Variants in ABCG8 observed in about 807,000 individuals in gnomAD.
ABCG8 encodes ATP-binding cassette sub-family G member 8.
ABCG8 carries 81 observed loss-of-function variants against 71.3 expected under a neutral mutation model. The observed-to-expected ratio is 1.14, with a 90% CI of 0.95 to 1.37. The LOEUF is 1.37. Among genes scored for constraint, ABCG8 ranks in the 40% most tolerant of loss-of-function variants. ABCG8 has a pLI of 0.00. For synonymous variants in ABCG8, 451 were observed against 354.7 expected (o/e 1.27, Z -3.05); for missense variants, 1,119 against 866.2 (o/e 1.29, Z -3.66).
intron 6 of ABCG8, among the ~76,000 whole-genome samples, chr2:43,855,246 C>A (rs1015144318): frequency 1.3e-5 from 2 of 152,130 alleles, no homozygotes; most frequent in Non-Finnish European, 2.9e-5. Context: ...AGATAGAACT[C>A]TCACTATCTG....
At chr2:43,862,343 G>T (rs1374542076) in intron 6 of ABCG8, among the ~76,000 whole-genome samples, 2 of 148,602 alleles carry the variant, frequency 1.3e-5, no homozygotes, top group Admixed American at 6.7e-5. Context: ...TCACAATCTG[G>T]ATAGAAGTCT....
At chr2:43,867,491 C>A (rs1669571770) in intron 6 of ABCG8, among the ~76,000 whole-genome samples, 1 of 152,042 alleles carries the variant, frequency 6.6e-6, no homozygotes, top group African/African-American at 2.4e-5. Flanking sequence ...AGAATTCTCA[C>A]CCTCTGGATA....
chr2:43,867,563 A>G (rs1669574709), intron 6 of ABCG8, among the ~76,000 whole-genome samples: 1 of 152,020 alleles, frequency 6.6e-6, no homozygotes, highest in Middle Eastern at 3.2e-3. Flanking sequence ...ATCTGTCCAG[A>G]TAGAATTCTC....
Position 43,852,439 on chromosome 2 carries a change from G to T in ABCG8, c.647G>T (p.Gly216Val), listed in dbSNP as rs775262569. 3 of 1,612,844 alleles carry T rather than the reference G, an allele frequency of 1.9e-6. No homozygotes were observed. Among genetic ancestry groups the T allele is most frequent in the Non-Finnish European group, 2.5e-6 (3 of 1,180,012 alleles). ...ATGTACGTGCGGGGGTTGTCGGGGG[G>T]TGAGCGCAGGAGAGTCAGCATTGGG... is the stretch of plus-strand genomic sequence containing the variant. ...GNMYVRGLSGGERRRVSIGVQ... is the reference protein window; with the variant it reads ...GNMYVRGLSGVERRRVSIGVQ... Residue 216 changes from glycine (G) to valine (V), a missense_variant, in exon 5 of 13, where the codon GGT becomes GTT. By Grantham distance (109) the Gly-to-Val change is moderately radical. Transcript: ENST00000272286.
chr2:43,838,971 A>G lies in ABCG8; in HGVS notation c.-83A>G. The G allele has an allele frequency of 1.4e-6, 2 of 1,443,702 alleles. No individual in the cohort carries two copies. The highest frequency in any genetic ancestry group is 1.9e-6 in the Non-Finnish European group (2 of 1,052,398). The allele number at this position is 1,443,702 out of a possible 1,614,324, so 89.4% of individuals were successfully genotyped here. On this transcript the variant is annotated 5_prime_UTR_variant, in exon 1 of 13. Coordinates refer to ENST00000272286, the MANE Select transcript of ABCG8 (RefSeq NM_022437.3). The surrounding 1 kb of genome is among the most constrained non-coding windows in gnomAD (Gnocchi z 4.2). Reference sequence around the variant, plus strand: ...GAGGCCGAGGTGTCCCTGCTCCAGGAAACAGAGTGAAGACACTGGCCCTGG... The same window carrying G: ...GAGGCCGAGGTGTCCCTGCTCCAGGGAACAGAGTGAAGACACTGGCCCTGG...
chr2:43,873,380 T>C, intron 8 of ABCG8, among the ~76,000 whole-genome samples: 1 of 151,926 alleles, frequency 6.6e-6, no homozygotes, highest in Non-Finnish European at 1.5e-5. Flanking sequence ...TTAGTAGAGA[T>C]GGAGTTTCTC....
At chr2:43,857,461 A>G (rs9753033) in intron 6 of ABCG8, among the ~76,000 whole-genome samples, 1 of 151,420 alleles carries the variant, frequency 6.6e-6, no homozygotes, top group Non-Finnish European at 1.5e-5. Context: ...CTCACTCTAT[A>G]TAGAACTCTC....
At chr2:43,859,654 C>T (rs976282980) in intron 6 of ABCG8, among the ~76,000 whole-genome samples, 2 of 146,058 alleles carry the variant, frequency 1.4e-5, no homozygotes, top group African/African-American at 5.1e-5. Flanking sequence ...TCTCACCATC[C>T]AGATAGAACT....
At position 43,844,500 on chromosome 2, in the gene ABCG8, C is replaced by T. The variant is rs4148210; in HGVS notation, c.64-7C>T. ...AAGGAGCCCCTCATCTCTCCTGTCT[C>T]CCACAGGGCCTCCAGGATAGATTGT... is the stretch of plus-strand genomic sequence containing the variant. On this transcript the variant is annotated splice_polypyrimidine_tract_variant and splice_region_variant and intron_variant, in intron 1 of 12. Transcript: ENST00000272286. The T allele has an allele frequency of 0.41, 668,170 of 1,610,706 alleles. 144,720 individuals are homozygous for T. The highest frequency in any genetic ancestry group is 0.85 in the East Asian group (38,174 of 44,858).
chr2:43,867,875 A>G (rs187147047), intron 6 of ABCG8, among the ~76,000 whole-genome samples: 2 of 152,150 alleles, frequency 1.3e-5, no homozygotes, highest in East Asian at 3.9e-4. Context: ...CACCCTCTGG[A>G]TAGAACTCTC....
rs546523852 is a variant in ABCG8 at position 43,869,537 on chromosome 2, A to G, written c.965-2439A>G. On this transcript the variant is annotated intron_variant, in intron 6 of 12. Coordinates refer to ENST00000272286, the MANE Select transcript of ABCG8 (RefSeq NM_022437.3). The stretch of plus-strand genomic sequence containing the variant: ...TCACCATCTGGATAAAACTCTCACT[A>G]TCTGTCTGGATAGAATTCTCACCAT... Among the ~76,000 whole-genome samples, 15 of 151,810 alleles carry G rather than the reference A, an allele frequency of 9.9e-5. 1 individual carries two copies. Among genetic ancestry groups the G allele is most frequent in the East Asian group, 5.8e-4 (3 of 5,154 alleles).
chr2:43,851,868 A>G (rs1241772485), intron 4 of ABCG8, 46 bp downstream of exon 4: 3 of 1,591,228 alleles, frequency 1.9e-6, no homozygotes, highest in Non-Finnish European at 2.6e-6. Context: ...AAGAAGCTAC[A>G]GTGTCCATGC....
At chr2:43,854,288 A>C (rs927778007) in intron 6 of ABCG8, among the ~76,000 whole-genome samples, 4 of 152,180 alleles carry the variant, frequency 2.6e-5, no homozygotes, top group Non-Finnish European at 5.9e-5. Context: ...ATCATGGTTT[A>C]TAAGACCCCA....
intron 6 of ABCG8, among the ~76,000 whole-genome samples, chr2:43,862,851 C>G (rs900121437): frequency 1.3e-5 from 2 of 151,344 alleles, no homozygotes; most frequent in Admixed American, 1.3e-4. Context: ...AGAATTCTCA[C>G]TCTCTGGATA....
At position 43,846,286 on chromosome 2, in the gene ABCG8, G is replaced by A. The variant is rs1468513643; in HGVS notation, c.297G>A (p.Gln99=). 6.2e-7 allele frequency: 1 copy of A among 1,614,236 alleles called. No homozygotes were observed. ...QNLSFKVRSG[Q]MLAIIGSSGC... is the part of the protein sequence containing the mutation. Reference sequence around the variant, plus strand: ...TAAGCTTCAAAGTGAGAAGTGGGCAGATGCTGGCCATCATAGGGAGCTCAG... The same window carrying A: ...TAAGCTTCAAAGTGAGAAGTGGGCAAATGCTGGCCATCATAGGGAGCTCAG... The change falls in exon 3 of 13, where the codon CAG becomes CAA. Residue 99 remains glutamine (Q), a synonymous_variant. Transcript: ENST00000272286.
At position 43,852,461 on chromosome 2, in the gene ABCG8, T is replaced by C; in HGVS notation, c.669T>C (p.Ile223=). 3.1e-6 allele frequency: 5 copies of C among 1,613,200 alleles called. No homozygotes were observed. The highest frequency in any genetic ancestry group is 4.2e-6 in the Non-Finnish European group (5 of 1,179,924). Residue 223 remains isoleucine, a synonymous_variant, in exon 5 of 13, where the codon ATT becomes ATC. Coordinates refer to ENST00000272286, the MANE Select transcript of ABCG8 (RefSeq NM_022437.3). ...GGGGTGAGCGCAGGAGAGTCAGCAT[T>C]GGGGTGCAGCTCCTGTGGAACCCAG... ...LSGGERRRVS[I]GVQLLWNPGI...
rs115520479 is a variant in ABCG8 at position 43,841,873 on chromosome 2, G to A, written c.64-2634G>A. On this transcript the variant is annotated intron_variant, in intron 1 of 12. Transcript: ENST00000272286. ...CAGCGCCTCCTCCATGCCTAAATCC[G>A]ACCTGGGGATGTTTTGGCCAGCAGA... Among the ~76,000 whole-genome samples the A allele has an allele frequency of 7.9e-3, 1,199 of 152,250 alleles. 20 individuals carry two copies. The highest frequency in any genetic ancestry group is 0.026 in the African/African-American group (1,075 of 41,536).
chr2:43,845,609 A>G (rs977253913), intron 2 of ABCG8, among the ~76,000 whole-genome samples: 3 of 151,922 alleles, frequency 2.0e-5, no homozygotes, highest in East Asian at 1.9e-4. Flanking sequence ...ACTATTGCAC[A>G]TGATTTTCTT....
intron 9 of ABCG8, 139 bp from the exon 10 acceptor site, chr2:43,874,268 T>A: frequency 1.2e-6 from 1 of 847,104 alleles, no homozygotes; most frequent in Non-Finnish European, 2.0e-6. Flanking sequence ...ATGGCTTTAC[T>A]GTGCCTATTT....
Sources: gnomAD v4.1 joint callset for allele counts (sites outside exome capture counted in the v4.1 genomes callset) on GRCh38, gnomAD v4.1.1 for gene constraint, Gnocchi (gnomAD v3.1) non-coding constraint, MANE v1.5 for transcripts, NCBI Gene and HGNC (gene_info 2026-07-23, HGNC 2026-07-21) for gene names.